ZSWIM5: variants seen among roughly 807,000 people sequenced by gnomAD.
The protein encoded by ZSWIM5 is zinc finger SWIM-type containing 5.
Under a neutral mutation model 119.6 loss-of-function variants are expected in ZSWIM5, and 55 were observed. The observed-to-expected ratio is 0.46, with a 90% CI of 0.37 to 0.58. The LOEUF is 0.58. ZSWIM5 is among the 20% of genes least tolerant of loss of function. ZSWIM5 has a pLI of 0.00. For synonymous variants in ZSWIM5, 537 were observed against 606.9 expected, an observed-to-expected ratio of 0.88 and a Z score of 1.69; for missense variants, 1,193 against 1,512.8, an observed-to-expected ratio of 0.79 and a Z score of 3.51.
Position 45,097,613 on chromosome 1 carries a change from A to C in ZSWIM5, c.596-9376T>G, listed in dbSNP as rs189987891. On this transcript the variant is annotated intron_variant, in intron 1 of 13. Transcript: ENST00000359600. ...AGTCGTGGTAACAGAAATTATTATA[A>C]AATGATCATAATTTCACATTCTGAA... Among the ~76,000 whole-genome samples the C allele has an allele frequency of 1.2e-4, 18 of 152,350 alleles. No individual in the cohort carries two copies. In the South Asian group the frequency reaches 1.7e-3, roughly 14 times the overall value.
intron 1 of ZSWIM5, among the ~76,000 whole-genome samples, chr1:45,129,166 T>G (rs1353225005): frequency 2.1e-5 from 3 of 144,606 alleles, no homozygotes; most frequent in East Asian, 2.0e-4. Context: ...TTTTTTTTTT[T>G]TTTTTTTTTT....
intron 5 of ZSWIM5, among the ~76,000 whole-genome samples, 156 bp from the exon 6 acceptor site, chr1:45,043,551 G>T (rs1041230218): frequency 3.3e-4 from 50 of 152,218 alleles, no homozygotes; most frequent in African/African-American, 1.2e-3. Flanking sequence ...AGGGCAATGA[G>T]AGCAGCCACT....
intron 1 of ZSWIM5, among the ~76,000 whole-genome samples, chr1:45,187,908 G>A (rs147320873): frequency 2.2e-4 from 34 of 152,076 alleles, no homozygotes; most frequent in African/African-American, 7.0e-4. Context: ...TACTACTTCC[G>A]GGCCTCCACC....
At chr1:45,049,824 G>A (rs999240226) in intron 5 of ZSWIM5, among the ~76,000 whole-genome samples, 3 of 151,948 alleles carry the variant, frequency 2.0e-5, no homozygotes, top group Non-Finnish European at 4.4e-5. Context: ...GTATGCATTT[G>A]ACCCTCTCTA....
chr1:45,117,058 C>G (rs556365947), intron 1 of ZSWIM5, among the ~76,000 whole-genome samples: 10 of 152,142 alleles, frequency 6.6e-5, no homozygotes, highest in Non-Finnish European at 1.2e-4. Context: ...ACAGCAGGAA[C>G]CTACACAGAA....
intron 2 of ZSWIM5, among the ~76,000 whole-genome samples, chr1:45,081,470 C>T (rs1318439154): frequency 6.6e-6 from 1 of 152,254 alleles, no homozygotes; most frequent in Non-Finnish European, 1.5e-5. Context: ...GCCGCCACGC[C>T]TGACTGGTTT....
Position 45,061,997 on chromosome 1 carries a change from C to T in ZSWIM5, c.953-1750G>A, listed in dbSNP as rs149907424. Reference sequence around the variant, plus strand: ...CCCAGCTACCTGGGAGACTGAGGCACGAGAATTGCTTGAACCTGGGAGGTG... The same window carrying T: ...CCCAGCTACCTGGGAGACTGAGGCATGAGAATTGCTTGAACCTGGGAGGTG... On this transcript the variant is annotated intron_variant, in intron 2 of 13. Transcript: ENST00000359600. 4.5e-3 allele frequency among the ~76,000 whole-genome samples: 688 copies of T among 151,988 alleles called. 8 individuals carry two copies. Among genetic ancestry groups the T allele is most frequent in the African/African-American group, 0.016 (647 of 41,502 alleles).
At chr1:45,119,737 T>C (rs1297233713) in intron 1 of ZSWIM5, among the ~76,000 whole-genome samples, 2 of 152,232 alleles carry the variant, frequency 1.3e-5, no homozygotes, top group Admixed American at 1.3e-4. Context: ...TTTTGTCTTA[T>C]GATTATCATT....
chr1:45,070,140 C>T, intron 2 of ZSWIM5: 1 of 1,138,552 alleles, frequency 8.8e-7, no homozygotes. Flanking sequence ...ACCTAAACCT[C>T]CCACTGTAAA....
intron 3 of ZSWIM5, 116 bp from the exon 4 acceptor site, chr1:45,058,875 A>C: frequency 8.4e-7 from 1 of 1,192,014 alleles, no homozygotes; most frequent in Non-Finnish European, 1.2e-6. Flanking sequence ...CATATCCAAA[A>C]GAGCCAGAAA....
chr1:45,202,614 T>C (rs1203736448), intron 1 of ZSWIM5, among the ~76,000 whole-genome samples: 1 of 152,032 alleles, frequency 6.6e-6, no homozygotes, highest in Non-Finnish European at 1.5e-5. Flanking sequence ...TCTGGATAAA[T>C]ACGTACATAA....
rs759068279 is a variant in ZSWIM5 at position 45,088,841 on chromosome 1, C to T, written c.596-604G>A. ...GGTGCAATGAAACTATGTAGTGTTA[C>T]ACCTCTACTCACTAGGCACACAGTA... On this transcript the variant is annotated intron_variant, in intron 1 of 13. Coordinates refer to ENST00000359600, the MANE Select transcript of ZSWIM5 (RefSeq NM_020883.2). The surrounding 1 kb of genome is among the most constrained non-coding windows in gnomAD (Gnocchi z 4.2). Among the ~76,000 whole-genome samples, 5 of 152,184 alleles carry T rather than the reference C, an allele frequency of 3.3e-5. No individual in the cohort carries two copies. The highest frequency in any genetic ancestry group is 1.3e-4 in the Admixed American group (2 of 15,278).
In ZSWIM5 at chr1:45,049,892, T is replaced by A. The variant is rs527473840; in HGVS notation, c.1432+1182A>T. ...TCCTGTGTTGTGGAAGCTAGATGAA[T>A]GCCAGGAAAGGGTAAAGAAGTGGCA... On this transcript the variant is annotated intron_variant, in intron 5 of 13. Transcript: ENST00000359600. Among the ~76,000 whole-genome samples, 3 of 152,302 alleles carry A rather than the reference T, an allele frequency of 2.0e-5. No individual in the cohort carries two copies. In the South Asian group the frequency reaches 6.2e-4, roughly 32 times the overall value.
At chr1:45,023,020 A>G (rs1644897626) in intron 11 of ZSWIM5, among the ~76,000 whole-genome samples, 1 of 152,192 alleles carries the variant, frequency 6.6e-6, no homozygotes, top group African/African-American at 2.4e-5. Context: ...TGCAGAACCC[A>G]CAGATACAGA....
At chr1:45,040,238 G>C (rs1311467792) in intron 7 of ZSWIM5, among the ~76,000 whole-genome samples, 154 bp downstream of exon 7, 1 of 152,188 alleles carries the variant, frequency 6.6e-6, no homozygotes, top group Non-Finnish European at 1.5e-5. Flanking sequence ...CAAATGAACA[G>C]ATGAGAAAAC....
At chr1:45,109,304 A>T (rs1645500434) in intron 1 of ZSWIM5, among the ~76,000 whole-genome samples, 1 of 152,202 alleles carries the variant, frequency 6.6e-6, no homozygotes, top group Non-Finnish European at 1.5e-5. Flanking sequence ...TCTTCATAGG[A>T]AAAACCTCTA....
At chr1:45,139,443 C>T (rs1489581331) in intron 1 of ZSWIM5, among the ~76,000 whole-genome samples, 1 of 141,666 alleles carries the variant, frequency 7.1e-6, no homozygotes, top group Admixed American at 7.1e-5. Context: ...CTTCCCTCCT[C>T]TCTCCCTCCC....
Position 45,034,457 on chromosome 1 carries a change from T to C in ZSWIM5, c.2304A>G (p.Leu768=). The C allele has an allele frequency of 6.2e-7, 1 of 1,605,056 alleles. No homozygotes were observed. The highest frequency in any genetic ancestry group is 8.5e-7 in the Non-Finnish European group (1 of 1,175,356). ...LALRAMRLPV[L]ENSASAGDTS... ...TGTCGCCTGCAGAAGCTGAGTTTTC[T>C]AAAACAGGTAACCTGGAAGACCCAG... Residue 768 remains leucine, a synonymous_variant, in exon 11 of 14, where the codon TTA becomes TTG. Coordinates refer to ENST00000359600, the MANE Select transcript of ZSWIM5 (RefSeq NM_020883.2).
At chr1:45,158,704 T>C (rs1402684550) in intron 1 of ZSWIM5, among the ~76,000 whole-genome samples, 1 of 152,214 alleles carries the variant, frequency 6.6e-6, no homozygotes, top group Non-Finnish European at 1.5e-5. Flanking sequence ...AGATCCTTAA[T>C]AAATGTCAGT....
Sources: allele counts gnomAD v4.1 joint callset (sites outside exome capture counted in the v4.1 genomes callset), GRCh38; gene constraint gnomAD v4.1.1; non-coding constraint Gnocchi (gnomAD v3.1); transcripts MANE v1.5; gene names NCBI Gene and HGNC (gene_info 2026-07-23, HGNC 2026-07-21).